The following EEA1 variants were observed in gnomAD, a reference collection of about 807,000 sequenced individuals.
The protein encoded by EEA1 is early endosome antigen 1.
Under a neutral mutation model 209.2 loss-of-function variants are expected in EEA1, and 111 were observed. That is an observed-to-expected ratio of 0.53 (90% confidence interval 0.45 to 0.62). The LOEUF is 0.62. Among genes scored for constraint, EEA1 ranks in the 20% least tolerant of loss-of-function variants. EEA1 has a pLI of 0.00. For synonymous variants in EEA1, 536 were observed against 540.6 expected (o/e 0.99, Z 0.12); for missense variants, 1,343 against 1,530.8 (o/e 0.88, Z 2.05).
In EEA1 at chr12:92,832,588, G is replaced by T. The variant is rs558859578; in HGVS notation, c.1178C>A (p.Ala393Glu). 1.9e-6 allele frequency: 3 copies of T among 1,613,944 alleles called. No individual in the cohort carries two copies. The highest frequency in any genetic ancestry group is 1.3e-5 in the African/African-American group (1 of 75,000). The change falls in exon 11 of 29, where the codon GCG (alanine) becomes GAG (glutamate). Residue 393 changes from alanine to glutamate, a missense_variant. Around this residue, in one of 3 missense-constraint regions of EEA1, gnomAD observed 1,307 missense variants for 1,465.5 expected, o/e 0.89. Coordinates refer to ENST00000322349, the MANE Select transcript of EEA1 (RefSeq NM_003566.4). ...EVETKYQHLK[A>E]EFKQLQQQRE... ...CTGTTGTTGTAGCTGCTTAAACTCC[G>T]CCTTTAGATGCTGGTACTTGGTCTC...
chr12:92,872,207 C>T (rs752126018), intron 2 of EEA1, among the ~76,000 whole-genome samples: 1 of 152,146 alleles, frequency 6.6e-6, no homozygotes, highest in Non-Finnish European at 1.5e-5. Context: ...TGCCACCACA[C>T]CTGGCCAATT....
Position 92,819,292 on chromosome 12 carries a change from T to C in EEA1, c.1728+16A>G, listed in dbSNP as rs750428228. On this transcript the variant is annotated intron_variant, in intron 14 of 28. Coordinates refer to ENST00000322349, the MANE Select transcript of EEA1 (RefSeq NM_003566.4). The stretch of plus-strand genomic sequence containing the variant: ...AGAAGTAAATTTTACAAATATAATA[T>C]ATTTTACAAGCTTACTTGCTCCTGT... 2.4e-5 allele frequency: 37 copies of C among 1,563,496 alleles called. No homozygotes were observed. In the Middle Eastern group the frequency reaches 1.1e-3, roughly 46 times the overall value.
At chr12:92,878,801 T>C (rs1565847039) in intron 2 of EEA1, among the ~76,000 whole-genome samples, 2 of 152,146 alleles carry the variant, frequency 1.3e-5, no homozygotes, top group Non-Finnish European at 2.9e-5. Flanking sequence ...ACCAAAATCA[T>C]GGGATATCAC....
intron 1 of EEA1, among the ~76,000 whole-genome samples, chr12:92,924,439 C>T (rs951329781): frequency 3.9e-5 from 6 of 152,016 alleles, no homozygotes; most frequent in African/African-American, 1.4e-4. Flanking sequence ...AAACTCCTGA[C>T]CTCAGGTGAT....
chr12:92,844,051 G>T (rs1423589039), intron 9 of EEA1, among the ~76,000 whole-genome samples: 1 of 151,922 alleles, frequency 6.6e-6, no homozygotes, highest in Non-Finnish European at 1.5e-5. Flanking sequence ...AAGTTTATAG[G>T]CAAGGTAAGT....
At chr12:92,813,745 T>C (rs1305046857) in intron 15 of EEA1, among the ~76,000 whole-genome samples, 2 of 152,192 alleles carry the variant, frequency 1.3e-5, no homozygotes, top group Non-Finnish European at 2.9e-5. Flanking sequence ...CCAAGTGCGG[T>C]GGCTCACACC....
At chr12:92,854,867 C>A (rs1207678718) in intron 5 of EEA1, among the ~76,000 whole-genome samples, 1 of 152,226 alleles carries the variant, frequency 6.6e-6, no homozygotes, top group Non-Finnish European at 1.5e-5. Context: ...AGTGACTAGA[C>A]TTTAATAATT....
At chr12:92,841,301 T>C (rs1877153212) in intron 10 of EEA1, among the ~76,000 whole-genome samples, 1 of 152,052 alleles carries the variant, frequency 6.6e-6, no homozygotes, top group Non-Finnish European at 1.5e-5. Context: ...TTATACTATA[T>C]ACAAAATTAA....
chr12:92,837,451 C>T (rs73362473), intron 10 of EEA1, among the ~76,000 whole-genome samples: 8 of 152,010 alleles, frequency 5.3e-5, no homozygotes, highest in Admixed American at 2.0e-4. Context: ...GGCATGTGAG[C>T]GTCTTAGAAC....
intron 1 of EEA1, among the ~76,000 whole-genome samples, chr12:92,903,966 ATT>A (rs1287652690): frequency 1.4e-5 from 2 of 144,130 alleles, no homozygotes; most frequent in Admixed American, 7.0e-5. Flanking sequence ...AAGTTTTCTG[ATT>A]TTTTTTTTTT....
rs1873505853 is a variant in EEA1 at position 92,773,236 on chromosome 12, T to C, written c.*2775A>G. On this transcript the variant is annotated 3_prime_UTR_variant, in exon 29 of 29. Coordinates refer to ENST00000322349, the MANE Select transcript of EEA1 (RefSeq NM_003566.4). ...TCTCTACTTAAAAGCTAAACATTTT[T>C]ATGCAAATGTAAGGTTAAAAAAAAG... The C allele has an allele frequency of 6.6e-6, 1 of 152,130 alleles. No individual in the cohort carries two copies. Among genetic ancestry groups the C allele is most frequent in the Non-Finnish European group, 1.5e-5 (1 of 67,692 alleles). 9.4% of individuals were successfully genotyped at this position (152,130 alleles called of 1,614,324 possible).
At position 92,869,752 on chromosome 12, in the gene EEA1, CAAAAAAAAAAAAA is replaced by C. The variant is rs71069185; in HGVS notation, c.118-4778_118-4766del. Among the ~76,000 whole-genome samples the C allele has an allele frequency of 1.6e-3, 43 of 26,788 alleles. No individual in the cohort carries two copies. In the East Asian group the frequency reaches 0.018, roughly 11 times the overall value. The allele number at this position is 26,788 out of a possible 152,430, so 17.6% of individuals were successfully genotyped here. ...TGGGTGACACAGTGAGATTCTGCCTCAAAAAAAAAAAAAAAAAAAAAAAAAAAAAAAAAAAAGG... is the reference window on the plus strand; with the variant it reads ...TGGGTGACACAGTGAGATTCTGCCTCAAAAAAAAAAAAAAAAAAAAAAAGG... On this transcript the variant is annotated intron_variant, in intron 2 of 28. Coordinates refer to ENST00000322349, the MANE Select transcript of EEA1 (RefSeq NM_003566.4).
In EEA1 at chr12:92,793,682, A is replaced by G. The variant is rs199875197; in HGVS notation, c.2967+5210T>C. On this transcript the variant is annotated intron_variant, in intron 21 of 28. Transcript: ENST00000322349. ...CCATGCTCATGGATAGGAAAAATCA[A>G]TATCATGAAAATGACCTTACTGCCC... is the stretch of plus-strand genomic sequence containing the variant. Among the ~76,000 whole-genome samples the G allele has an allele frequency of 1.6e-4, 25 of 152,362 alleles. No individual in the cohort carries two copies. In the East Asian group the frequency reaches 4.4e-3, roughly 27 times the overall value.
At chr12:92,870,336 C>T (rs1450697127) in intron 2 of EEA1, among the ~76,000 whole-genome samples, 1 of 152,060 alleles carries the variant, frequency 6.6e-6, no homozygotes, top group Non-Finnish European at 1.5e-5. Flanking sequence ...AGCTATGTTT[C>T]CTTTGTTTTT....
chr12:92,835,065 T>C (rs1876852359), intron 10 of EEA1, among the ~76,000 whole-genome samples: 1 of 151,922 alleles, frequency 6.6e-6, no homozygotes, highest in Non-Finnish European at 1.5e-5. Flanking sequence ...GTATTTTTAG[T>C]AGAGACGGGG....
At position 92,827,985 on chromosome 12, in the gene EEA1, G is replaced by GA. The variant is rs1367481800; in HGVS notation, c.1330dup (p.Ser444PhefsTer3). 1.2e-6 allele frequency: 2 copies of GA among 1,602,290 alleles called. No individual in the cohort carries two copies. Among genetic ancestry groups the GA allele is most frequent in the African/African-American group, 2.7e-5 (2 of 74,000 alleles). On this transcript the variant is annotated frameshift_variant, in exon 12 of 29. Coordinates refer to ENST00000322349, the MANE Select transcript of EEA1 (RefSeq NM_003566.4). LOFTEE classifies it high-confidence loss of function. ...TTCTTTATCCATCAACTTTTCACTT[G>GA]AAAGCTGTCTCTGTTCCTTCAGCCT...
At chr12:92,828,206 T>C (rs904246488) in intron 11 of EEA1, 145 bp from the exon 12 acceptor site, 1 of 543,520 alleles carries the variant, frequency 1.8e-6, no homozygotes. Context: ...TAAGATTTTA[T>C]ACAGTAATTT....
At chr12:92,784,406 T>C (rs1405074120) in intron 22 of EEA1, among the ~76,000 whole-genome samples, 1 of 152,166 alleles carries the variant, frequency 6.6e-6, no homozygotes, top group East Asian at 1.9e-4. Flanking sequence ...AGGAGAAAAG[T>C]TGACAAAGTC....
At chr12:92,880,711 G>A (rs1435163900) in intron 2 of EEA1, among the ~76,000 whole-genome samples, 5 of 152,064 alleles carry the variant, frequency 3.3e-5, no homozygotes, top group Admixed American at 6.6e-5. Flanking sequence ...TCCTGACCTC[G>A]TGATCAGCCC....
Sources: gnomAD v4.1 joint callset for allele counts (sites outside exome capture counted in the v4.1 genomes callset) on GRCh38, gnomAD v4.1.1 for gene constraint, gnomAD v4.1.1 regional missense constraint, MANE v1.5 for transcripts, NCBI Gene and HGNC (gene_info 2026-07-23, HGNC 2026-07-21) for gene names.